TTC3: variants seen among roughly 807,000 people sequenced by gnomAD.
The protein encoded by TTC3 is tetratricopeptide repeat domain 3.
A neutral mutation model predicts 249.6 loss-of-function variants in TTC3; 180 were observed. The ratio of observed to expected loss-of-function variants is 0.72; its 90% CI spans 0.64 to 0.82. The LOEUF is 0.82. Among genes scored for constraint, TTC3 ranks in the 40% least tolerant of loss-of-function variants. The pLI is 0.00. For missense variants in TTC3, 2,061 were observed against 2,398.4 expected (o/e 0.86, Z 2.94); for synonymous variants, 717 against 805.0 (o/e 0.89, Z 1.85).
chr21:37,073,997 G>A, intron 1 of TTC3, among the ~76,000 whole-genome samples: 1 of 152,238 alleles, frequency 6.6e-6, no homozygotes, highest in South Asian at 2.1e-4. Context: ...CTTGTGTGCG[G>A]ATTTAATTCT....
intron 19 of TTC3, among the ~76,000 whole-genome samples, chr21:37,140,329 G>T (rs2078327771): frequency 6.6e-6 from 1 of 152,200 alleles, no homozygotes; most frequent in Non-Finnish European, 1.5e-5. Context: ...CTTATAGGTT[G>T]ATTGTCTGAT....
rs772456933 is a variant in TTC3, at chr21:37,087,247, A to G, written c.-11A>G. Reference sequence around the variant, plus strand: ...ACTTGAGTTTGTGTTGTCTCCTTAGACTTGTGCACCATGGACAATTTTGCT... The same window carrying G: ...ACTTGAGTTTGTGTTGTCTCCTTAGGCTTGTGCACCATGGACAATTTTGCT... On this transcript the variant is annotated splice_region_variant and 5_prime_UTR_variant, in exon 2 of 46. The change abolishes the stop of an existing upstream ORF in the 5' untranslated region. Transcript: ENST00000355666. 1.2e-6 allele frequency: 2 copies of G among 1,613,364 alleles called. No individual in the cohort carries two copies. The highest frequency in any genetic ancestry group is 2.2e-5 in the East Asian group (1 of 44,868).
chr21:37,158,530 T>A (rs2080344167), intron 28 of TTC3, among the ~76,000 whole-genome samples: 1 of 152,240 alleles, frequency 6.6e-6, no homozygotes, highest in Non-Finnish European at 1.5e-5. Flanking sequence ...CAAAATCTAC[T>A]GATCTTGTAG....
intron 1 of TTC3, chr21:37,086,484 C>G (rs1158643372): frequency 6.6e-6 from 1 of 152,212 alleles, no homozygotes; most frequent in Non-Finnish European, 1.5e-5. Context: ...CACCAATCCC[C>G]CTTGCCCCCC....
At chr21:37,147,719 C>A in intron 22 of TTC3, 116 bp downstream of exon 22, 1 of 1,286,698 alleles carries the variant, frequency 7.8e-7, no homozygotes, top group Non-Finnish European at 1.0e-6. Flanking sequence ...AGTCGTCCAC[C>A]CCTTTCCCAG....
intron 5 of TTC3, among the ~76,000 whole-genome samples, chr21:37,089,595 T>C (rs112309145): frequency 0.042 from 6,451 of 152,192 alleles, 183 homozygotes; most frequent in Admixed American, 0.084. Context: ...CTCACTGCCA[T>C]CTTCGCCTCC....
intron 27 of TTC3, among the ~76,000 whole-genome samples, chr21:37,155,667 G>A (rs181053749): frequency 1.1e-3 from 160 of 152,318 alleles, no homozygotes; most frequent in Non-Finnish European, 1.6e-3. Flanking sequence ...GAGGCATGAT[G>A]GAGAAACTGG....
At position 37,087,610 on chromosome 21, in the gene TTC3, G is replaced by A. The variant is rs190241735; in HGVS notation, c.144+209G>A. 2.4e-3 allele frequency among the ~76,000 whole-genome samples: 370 copies of A among 152,192 alleles called. No individual in the cohort carries two copies. The highest frequency in any genetic ancestry group is 0.01 in the Middle Eastern group (3 of 294). ...AGAGAATGAGTGGTGGCAAAAGGTG[G>A]TTTTCTGACAGGGCATAAGAAAAGC... On this transcript the variant is annotated intron_variant, in intron 2 of 45. Coordinates refer to ENST00000355666, the Ensembl canonical transcript of TTC3.
intron 39 of TTC3, 112 bp from the exon 40 acceptor site, chr21:37,191,222 G>T: frequency 1.5e-6 from 1 of 668,764 alleles, no homozygotes; most frequent in Non-Finnish European, 2.4e-6. Context: ...GGATTTTTGT[G>T]TGTATGTGAT....
chr21:37,075,013 C>G (rs1387172800), intron 1 of TTC3, among the ~76,000 whole-genome samples: 2 of 152,234 alleles, frequency 1.3e-5, no homozygotes, highest in South Asian at 4.2e-4. Flanking sequence ...TCCTTCCCCT[C>G]CTTTTCTAGA....
chr21:37,101,570 G>GC (rs11419742), intron 10 of TTC3, among the ~76,000 whole-genome samples: 151,330 of 152,286 alleles, frequency 0.99, 75,196 homozygotes, highest in Middle Eastern at 1. Flanking sequence ...AGGTACACTC[G>GC]CCAGCTCTGA....
chr21:37,191,804 G>A (rs2084158614), intron 40 of TTC3, among the ~76,000 whole-genome samples: 1 of 152,124 alleles, frequency 6.6e-6, no homozygotes, highest in African/African-American at 2.4e-5. Context: ...GGTCAGGCTG[G>A]TGTCGATCTC....
chr21:37,094,334 AC>A (rs1426198359), intron 8 of TTC3, among the ~76,000 whole-genome samples: 1 of 152,222 alleles, frequency 6.6e-6, no homozygotes, highest in African/African-American at 2.4e-5. Context: ...TTCTTTGGTA[AC>A]AGCTGAGATG....
In TTC3 at chr21:37,197,700, T is replaced by C. The variant is rs759045583; in HGVS notation, c.5706+4T>C. On this transcript the variant is annotated splice_donor_region_variant and intron_variant, in intron 43 of 45. Coordinates refer to ENST00000355666, the Ensembl canonical transcript of TTC3. ...AGATGAACAGAAAAAGAAAAAGGTA[T>C]TTTATCTAGATGTTCCAGTTTATCC... is the stretch of plus-strand genomic sequence containing the variant. 6.2e-6 allele frequency: 10 copies of C among 1,603,812 alleles called. No individual in the cohort carries two copies. The highest frequency in any genetic ancestry group is 1.3e-5 in the African/African-American group (1 of 74,204).
At chr21:37,110,308 GA>G (rs929717876) in intron 11 of TTC3, among the ~76,000 whole-genome samples, 2 of 146,076 alleles carry the variant, frequency 1.4e-5, no homozygotes, top group Non-Finnish European at 3.1e-5. Flanking sequence ...TAGAAACTTT[GA>G]AAAAAAATTA....
chr21:37,192,042 TA>T, intron 40 of TTC3, 69 bp from the exon 41 acceptor site: 1 of 941,438 alleles, frequency 1.1e-6, no homozygotes. Context: ...GTTTCATTTA[TA>T]ATGTGTAGGA....
chr21:37,185,275 A>G lies in TTC3; in HGVS notation c.4758-431A>G, dbSNP rs2083135385. On this transcript the variant is annotated intron_variant, in intron 36 of 45. Coordinates refer to ENST00000355666, the Ensembl canonical transcript of TTC3. ...AATGTGAGTGTGTGTGTGCGTGCGCACCCGCGTGTGTGCATGAATGCTTGT... is the reference window on the plus strand; with the variant it reads ...AATGTGAGTGTGTGTGTGCGTGCGCGCCCGCGTGTGTGCATGAATGCTTGT... 2.0e-5 allele frequency among the ~76,000 whole-genome samples: 3 copies of G among 152,238 alleles called. No individual in the cohort carries two copies. In the South Asian group the frequency reaches 6.2e-4, roughly 32 times the overall value.
chr21:37,199,328 G>T (rs534318259), intron 44 of TTC3, among the ~76,000 whole-genome samples: 1 of 152,246 alleles, frequency 6.6e-6, no homozygotes, highest in Non-Finnish European at 1.5e-5. Flanking sequence ...GACTCATTTT[G>T]TGCCTTCAAG....
chr21:37,103,644 T>C (rs191279250), intron 10 of TTC3, among the ~76,000 whole-genome samples: 2 of 152,210 alleles, frequency 1.3e-5, no homozygotes, highest in East Asian at 3.8e-4. Flanking sequence ...TGCTATATAT[T>C]ATAAGTAATG....
Sources: gnomAD v4.1 joint callset for allele counts (sites outside exome capture counted in the v4.1 genomes callset) on GRCh38, gnomAD v4.1.1 for gene constraint, MANE v1.5 for transcripts, NCBI Gene and HGNC (gene_info 2026-07-23, HGNC 2026-07-21) for gene names.